Variants in LRRC4C observed in about 807,000 individuals in gnomAD.
The protein encoded by LRRC4C is leucine-rich repeat-containing protein 4C.
In LRRC4C, 5 loss-of-function variants were observed where a neutral mutation model predicts 33.6. The observed-to-expected ratio is 0.15, with a 90% CI of 0.08 to 0.31. The LOEUF is 0.31. LRRC4C is among the 10% of genes least tolerant of loss of function. The pLI is 1.00. For synonymous variants in LRRC4C, 329 were observed against 302.0 expected, an observed-to-expected ratio of 1.09 and a Z score of -0.93; for missense variants, 560 against 796.7, an observed-to-expected ratio of 0.70 and a Z score of 3.58.
chr11:40,763,200 G>A (rs1320160546), intron 2 of LRRC4C, among the ~76,000 whole-genome samples: 1 of 151,634 alleles, frequency 6.6e-6, no homozygotes, highest in Non-Finnish European at 1.5e-5. Flanking sequence ...CATTTGTGTT[G>A]GGTTTCTTCC....
At chr11:41,002,545 G>A (rs1052754091) in intron 1 of LRRC4C, among the ~76,000 whole-genome samples, 2 of 152,146 alleles carry the variant, frequency 1.3e-5, no homozygotes, top group African/African-American at 4.8e-5. Flanking sequence ...TTTATCAAGA[G>A]CTTCTCATTA....
At chr11:40,982,398 C>A (rs574587700) in intron 1 of LRRC4C, among the ~76,000 whole-genome samples, 1 of 152,216 alleles carries the variant, frequency 6.6e-6, no homozygotes, top group East Asian at 1.9e-4. Context: ...TTTTTTCTTA[C>A]ATGTAAAATG....
At chr11:40,356,398 A>T (rs1947672474) in intron 3 of LRRC4C, among the ~76,000 whole-genome samples, 1 of 152,230 alleles carries the variant, frequency 6.6e-6, no homozygotes, top group African/African-American at 2.4e-5. Context: ...TGTTTAAAAA[A>T]GATACTTATA....
chr11:40,410,155 T>C (rs1950106089), intron 3 of LRRC4C, among the ~76,000 whole-genome samples: 2 of 151,980 alleles, frequency 1.3e-5, no homozygotes, highest in African/African-American at 4.8e-5. Context: ...AAAAAATTGC[T>C]GACCATTAGT....
intron 3 of LRRC4C, among the ~76,000 whole-genome samples, chr11:40,449,097 G>GT (rs927629252): frequency 2.0e-5 from 3 of 151,374 alleles, no homozygotes; most frequent in African/African-American, 7.3e-5. Context: ...GATGGGGTTG[G>GT]TTTTTTTTCT....
intron 1 of LRRC4C, among the ~76,000 whole-genome samples, chr11:41,134,200 A>G (rs1943151524): frequency 6.6e-6 from 1 of 152,140 alleles, no homozygotes; most frequent in Admixed American, 6.6e-5. Context: ...AGGCTCAAGC[A>G]ATCCTCCCAC....
At position 40,705,998 on chromosome 11, in the gene LRRC4C, T is replaced by TG. The variant is rs2136532136; in HGVS notation, c.-406-57721dup. On this transcript the variant is annotated intron_variant, in intron 2 of 6. Transcript: ENST00000528697. ...TTCCTGTGTCTGTTGGCTGCATAAA[T>TG]GTCTTATTTTGAGAAGTGTATGTTC... 2.0e-5 allele frequency among the ~76,000 whole-genome samples: 3 copies of TG among 152,288 alleles called. 1 individual carries two copies. In the South Asian group the frequency reaches 6.2e-4, roughly 32 times the overall value.
intron 3 of LRRC4C, among the ~76,000 whole-genome samples, chr11:40,410,163 A>T (rs1950106397): frequency 6.6e-6 from 1 of 151,986 alleles, no homozygotes; most frequent in South Asian, 2.1e-4. Flanking sequence ...GCTGACCATT[A>T]GTCTAGAAAC....
intron 1 of LRRC4C, among the ~76,000 whole-genome samples, chr11:41,434,309 T>C (rs1241739935): frequency 6.6e-6 from 1 of 152,112 alleles, no homozygotes; most frequent in African/African-American, 2.4e-5. Flanking sequence ...TCTGGGAATC[T>C]CTTTTTTTAA....
intron 1 of LRRC4C, among the ~76,000 whole-genome samples, chr11:41,325,701 CAAA>C (rs1169897239): frequency 6.6e-6 from 1 of 150,436 alleles, no homozygotes; most frequent in African/African-American, 2.5e-5. Context: ...ACAACAACAA[CAAA>C]ACAACAACAA....
intron 1 of LRRC4C, among the ~76,000 whole-genome samples, chr11:41,055,025 A>G (rs1343747974): frequency 1.3e-5 from 2 of 152,240 alleles, no homozygotes; most frequent in Non-Finnish European, 2.9e-5. Flanking sequence ...ACTTCCGTGT[A>G]ACTGCCACAA....
chr11:41,421,767 A>C (rs916371684), intron 1 of LRRC4C, among the ~76,000 whole-genome samples: 7 of 151,958 alleles, frequency 4.6e-5, no homozygotes, highest in African/African-American at 1.7e-4. Context: ...TCATTCTTAA[A>C]ACTGGGGAGA....
At chr11:41,094,981 A>T (rs996869489) in intron 1 of LRRC4C, among the ~76,000 whole-genome samples, 1 of 152,202 alleles carries the variant, frequency 6.6e-6, no homozygotes, top group Non-Finnish European at 1.5e-5. Context: ...CATTAAAAAA[A>T]TTTAGATTTT....
At chr11:40,357,639 C>A (rs1285855951) in intron 3 of LRRC4C, among the ~76,000 whole-genome samples, 1 of 152,028 alleles carries the variant, frequency 6.6e-6, no homozygotes, top group Non-Finnish European at 1.5e-5. Context: ...ACACTCTTAA[C>A]AAATGTATGT....
At chr11:40,306,942 T>C (rs1355310083) in intron 4 of LRRC4C, among the ~76,000 whole-genome samples, 1 of 30,454 alleles carries the variant, frequency 3.3e-5, no homozygotes, top group Non-Finnish European at 1.4e-4. Flanking sequence ...GGTTATCTGG[T>C]TTTTTTTTTT....
At chr11:41,450,607 G>A (rs1411989652) in intron 1 of LRRC4C, among the ~76,000 whole-genome samples, 3 of 152,024 alleles carry the variant, frequency 2.0e-5, no homozygotes, top group African/African-American at 7.2e-5. Context: ...TTCCTCATCT[G>A]TATCCTGAGA....
intron 3 of LRRC4C, among the ~76,000 whole-genome samples, chr11:40,364,332 C>A (rs574796124): frequency 5.9e-5 from 9 of 151,982 alleles, no homozygotes; most frequent in African/African-American, 2.2e-4. Flanking sequence ...TAAATATACT[C>A]CTTATCTTCA....
chr11:40,724,057 G>A (rs897095427), intron 2 of LRRC4C, among the ~76,000 whole-genome samples: 1 of 151,614 alleles, frequency 6.6e-6, no homozygotes, highest in African/African-American at 2.4e-5. Flanking sequence ...CAACAAGAAA[G>A]CTTAATTATC....
At chr11:41,099,527 G>A (rs1038877494) in intron 1 of LRRC4C, among the ~76,000 whole-genome samples, 3 of 152,104 alleles carry the variant, frequency 2.0e-5, no homozygotes, top group African/African-American at 7.2e-5. Context: ...GGGATGAAAG[G>A]TTGGTTCAAC....
Sources: gnomAD v4.1 joint callset for allele counts (sites outside exome capture counted in the v4.1 genomes callset) on GRCh38, gnomAD v4.1.1 for gene constraint, MANE v1.5 for transcripts, NCBI Gene and HGNC (gene_info 2026-07-23, HGNC 2026-07-21) for gene names.